The following NAV2 variants were observed in gnomAD, a reference collection of about 807,000 sequenced individuals.
NAV2 encodes the protein neuron navigator 2, also known as helicase, APC down-regulated 1.
NAV2 carries 54 observed loss-of-function variants against 223.2 expected under a neutral mutation model. The observed-to-expected ratio is 0.24, with a 90% CI of 0.19 to 0.30. The LOEUF is 0.30. Among genes scored for constraint, NAV2 ranks in the 10% least tolerant of loss-of-function variants. The pLI is 1.00. For missense variants in NAV2, 2,806 were observed against 3,147.5 expected (o/e 0.89, Z 2.60); for synonymous variants, 1,279 against 1,239.3 (o/e 1.03, Z -0.67).
intron 1 of NAV2, among the ~76,000 whole-genome samples, chr11:19,404,222 T>A (rs970391612): frequency 6.6e-6 from 1 of 152,152 alleles, no homozygotes; most frequent in Non-Finnish European, 1.5e-5. Flanking sequence ...ATGGAAAGAT[T>A]TTAATTGTGA....
intron 10 of NAV2, among the ~76,000 whole-genome samples, chr11:19,968,852 C>T (rs1206384883): frequency 6.6e-6 from 1 of 152,192 alleles, no homozygotes. Flanking sequence ...ACTTCTCAGC[C>T]TGTCTTTCCC....
chr11:19,639,025 G>T (rs2047582680), intron 1 of NAV2, among the ~76,000 whole-genome samples: 1 of 152,114 alleles, frequency 6.6e-6, no homozygotes, highest in Non-Finnish European at 1.5e-5. Flanking sequence ...TAAAGAAATA[G>T]AATATTGGCT....
rs569446282 is a variant in NAV2, at chr11:19,859,137, C to CTTTTTTTTTTTTTTTTTTT, written c.439-9784_439-9766dup. ...ATGGAGGAGTCCAAAATCATATTCT[C>CTTTTTTTTTTTTTTTTTTT]TTTTTTTTTTTTTTTTTTTTTTATT... On this transcript the variant is annotated intron_variant, in intron 3 of 37. Transcript: ENST00000349880. Among the ~76,000 whole-genome samples the CTTTTTTTTTTTTTTTTTTT allele has an allele frequency of 1.9e-3, 199 of 107,024 alleles. 2 individuals carry two copies. The highest frequency in any genetic ancestry group is 3.3e-3 in the East Asian group (10 of 3,060). The allele number at this position is 107,024 out of a possible 152,430, so 70.2% of individuals were successfully genotyped here.
rs539569225 is a variant in NAV2, at chr11:19,540,266, C to T, written c.75+189239C>T. Reference sequence around the variant, plus strand: ...ACTGGTTGCCGTCAAGGTCTTCTAGCTCCTCTCCTCCTTGCTCCTCACTCT... The same window carrying T: ...ACTGGTTGCCGTCAAGGTCTTCTAGTTCCTCTCCTCCTTGCTCCTCACTCT... On this transcript the variant is annotated intron_variant, in intron 1 of 37. Coordinates refer to the NAV2 transcript ENST00000360655. 3.4e-4 allele frequency among the ~76,000 whole-genome samples: 52 copies of T among 152,238 alleles called. No homozygotes were observed. The South Asian group carries it at 3.5e-3, about 10-fold the overall frequency.
At chr11:19,827,858 A>G (rs1230943541) in intron 1 of NAV2, among the ~76,000 whole-genome samples, 2 of 150,904 alleles carry the variant, frequency 1.3e-5, no homozygotes, top group African/African-American at 4.9e-5. Context: ...TAATCTGGGA[A>G]TCCCAGCATT....
At chr11:19,872,656 G>A (rs1441336863) in intron 4 of NAV2, among the ~76,000 whole-genome samples, 1 of 152,222 alleles carries the variant, frequency 6.6e-6, no homozygotes, top group Admixed American at 6.5e-5. Flanking sequence ...CTAAAGCTGG[G>A]TTTGCACTCA....
chr11:20,076,867 A>G (rs1301551534), intron 22 of NAV2, among the ~76,000 whole-genome samples: 2 of 152,254 alleles, frequency 1.3e-5, no homozygotes, highest in Non-Finnish European at 2.9e-5. Flanking sequence ...CTTATGTCAT[A>G]TTCTAACAGA....
intron 8 of NAV2, among the ~76,000 whole-genome samples, chr11:19,941,027 G>A (rs192428461): frequency 2.4e-3 from 360 of 152,258 alleles, no homozygotes; most frequent in Non-Finnish European, 4.2e-3. Context: ...CGAGGCCAAC[G>A]CTTCAGATCC....
intron 1 of NAV2, among the ~76,000 whole-genome samples, chr11:19,794,621 C>A (rs962451142): frequency 6.6e-6 from 1 of 152,170 alleles, no homozygotes; most frequent in Non-Finnish European, 1.5e-5. Flanking sequence ...TGGCTTCATC[C>A]TGTCCTGTTA....
At chr11:19,446,302 T>C (rs1427075665) in intron 1 of NAV2, among the ~76,000 whole-genome samples, 1 of 152,184 alleles carries the variant, frequency 6.6e-6, no homozygotes, top group Non-Finnish European at 1.5e-5. Context: ...AGCTATGGGT[T>C]CCTAGATGCC....
At chr11:19,958,391 C>G (rs2048063205) in intron 10 of NAV2, among the ~76,000 whole-genome samples, 1 of 152,194 alleles carries the variant, frequency 6.6e-6, no homozygotes, top group Non-Finnish European at 1.5e-5. Context: ...TGCAACAGGG[C>G]ACTGTGTAGG....
intron 1 of NAV2, among the ~76,000 whole-genome samples, chr11:19,363,152 C>T (rs1185313040): frequency 3.3e-5 from 5 of 152,104 alleles, no homozygotes; most frequent in Non-Finnish European, 1.5e-5. Flanking sequence ...CCACGACAGG[C>T]CCTGGTGTGT....
rs535182251 is a variant in NAV2, at chr11:19,548,227, A to C, written c.75+197200A>C. The stretch of plus-strand genomic sequence containing the variant: ...GAAAGAAACTTAAAGAAAGGGCATA[A>C]CAATGAAAGCAAAACCCTGAAACAG... On this transcript the variant is annotated intron_variant, in intron 1 of 37. Transcript: ENST00000360655. Among the ~76,000 whole-genome samples, 82 of 152,366 alleles carry C rather than the reference A, an allele frequency of 5.4e-4. 1 individual carries two copies. The highest frequency in any genetic ancestry group is 1.9e-3 in the African/African-American group (80 of 41,584).
intron 1 of NAV2, among the ~76,000 whole-genome samples, chr11:19,481,368 C>T (rs907753115): frequency 6.6e-6 from 1 of 152,080 alleles, no homozygotes; most frequent in African/African-American, 2.4e-5. Flanking sequence ...CAGTGACACC[C>T]CAGGTGAGGA....
At chr11:19,365,568 A>T (rs1348664923) in intron 1 of NAV2, among the ~76,000 whole-genome samples, 2 of 152,236 alleles carry the variant, frequency 1.3e-5, no homozygotes. Flanking sequence ...ACTAGACAGG[A>T]AATATTCAGT....
Position 19,934,128 on chromosome 11 carries a change from C to T in NAV2, c.1884C>T (p.Thr628=). The change falls in exon 7 of 38, where the codon ACC becomes ACT. Residue 628 remains threonine, a synonymous_variant. Transcript: ENST00000349880. ...SSEGKGPGGT[T]LNHSISSQTV... ...AAGGAAAAGGCCCAGGAGGGACCAC[C>T]CTGAACCACAGCATCAGCAGCCAGA... is the stretch of plus-strand genomic sequence containing the variant. 3.7e-6 allele frequency: 6 copies of T among 1,614,150 alleles called. No individual in the cohort carries two copies. The highest frequency in any genetic ancestry group is 2.2e-5 in the East Asian group (1 of 44,870).
chr11:19,466,225 G>T (rs1480498121), intron 1 of NAV2, among the ~76,000 whole-genome samples: 1 of 152,186 alleles, frequency 6.6e-6, no homozygotes, highest in Non-Finnish European at 1.5e-5. Context: ...GAATGGGTTG[G>T]ATATTTCATT....
chr11:20,027,309 G>C (rs2055195830), intron 11 of NAV2: 1 of 985,320 alleles, frequency 1.0e-6, no homozygotes, highest in South Asian at 4.7e-5. Flanking sequence ...TCGGGCCCCG[G>C]GGTTTCACGG....
intron 11 of NAV2, among the ~76,000 whole-genome samples, chr11:20,014,803 G>A (rs1245411546): frequency 6.6e-6 from 1 of 152,208 alleles, no homozygotes; most frequent in Non-Finnish European, 1.5e-5. Flanking sequence ...TTGGGAGGCT[G>A]AGGCAGGAGA....
Sources: gnomAD v4.1 joint callset for allele counts (sites outside exome capture counted in the v4.1 genomes callset) on GRCh38, gnomAD v4.1.1 for gene constraint, MANE v1.5 for transcripts, NCBI Gene and HGNC (gene_info 2026-07-23, HGNC 2026-07-21) for gene names.